Variants in ANAPC10 observed in about 807,000 individuals in gnomAD.
The protein encoded by ANAPC10 is anaphase-promoting complex subunit 10.
A neutral mutation model predicts 22.0 loss-of-function variants in ANAPC10; 12 were observed. That is an observed-to-expected ratio of 0.55 (90% CI 0.35 to 0.88). The LOEUF (loss-of-function observed/expected upper bound fraction) is 0.88. Ranked by LOEUF, ANAPC10 falls within the 40% of genes least tolerant of loss-of-function variation. The pLI is 0.01. For missense variants in ANAPC10, 188 were observed against 220.9 expected, an observed-to-expected ratio of 0.85 and a Z score of 0.94; for synonymous variants, 65 against 69.5, an observed-to-expected ratio of 0.94 and a Z score of 0.32.
At position 145,054,158 on chromosome 4, in the gene ANAPC10, C is replaced by A. The variant is rs550578081; in HGVS notation, c.327+10414G>T. Among the ~76,000 whole-genome samples, 4 of 151,432 alleles carry A rather than the reference C, an allele frequency of 2.6e-5. No individual in the cohort carries two copies. The South Asian group carries it at 8.4e-4, about 32-fold the overall frequency. ...TCTTGACTTTGTGATCTGCCCGCTG[C>A]GGCCTCCCAAAGTGCTGGTATTACA... On this transcript the variant is annotated intron_variant, in intron 4 of 4. Coordinates refer to ENST00000507656, the MANE Select transcript of ANAPC10 (RefSeq NM_001256706.2).
At chr4:145,046,914 C>T (rs1025021933) in intron 4 of ANAPC10, among the ~76,000 whole-genome samples, 1 of 152,068 alleles carries the variant, frequency 6.6e-6, no homozygotes, top group African/African-American at 2.4e-5. Context: ...CACTTTCCAA[C>T]CTTGTACAGT....
intron 3 of ANAPC10, among the ~76,000 whole-genome samples, chr4:145,079,832 G>A (rs917120542): frequency 3.9e-5 from 6 of 152,122 alleles, no homozygotes; most frequent in African/African-American, 7.2e-5. Context: ...CTGAATACAT[G>A]GCTAGGTGTA....
In ANAPC10 at chr4:145,039,785, G is replaced by A. The variant is rs534187975; in HGVS notation, c.327+24787C>T. Among the ~76,000 whole-genome samples the A allele has an allele frequency of 3.2e-4, 49 of 152,092 alleles. No individual in the cohort carries two copies. The East Asian group carries it at 8.5e-3, about 27-fold the overall frequency. ...AATTTTTGTATTTTTCAGTAGAGAC[G>A]TGGTTTCACCATGTTGGCCAGGATG... On this transcript the variant is annotated intron_variant, in intron 4 of 4. Coordinates refer to ENST00000507656, the MANE Select transcript of ANAPC10 (RefSeq NM_001256706.2).
chr4:145,055,781 T>A (rs1741980748), intron 4 of ANAPC10, among the ~76,000 whole-genome samples: 1 of 152,150 alleles, frequency 6.6e-6, no homozygotes, highest in Non-Finnish European at 1.5e-5. Context: ...AGTTGTTATT[T>A]AATGACTATG....
chr4:145,030,114 T>C (rs1167260002), intron 4 of ANAPC10, among the ~76,000 whole-genome samples: 2 of 152,112 alleles, frequency 1.3e-5, no homozygotes, highest in Admixed American at 6.6e-5. Flanking sequence ...AGCTTTGGCA[T>C]TGGCTAATTA....
At chr4:145,092,708 C>T (rs921449868) in intron 2 of ANAPC10, among the ~76,000 whole-genome samples, 11 of 152,100 alleles carry the variant, frequency 7.2e-5, no homozygotes, top group African/African-American at 2.7e-4. Flanking sequence ...GCTACAGATA[C>T]AGAGGAGGGG....
At chr4:145,015,424 C>T (rs1247703349) in intron 4 of ANAPC10, among the ~76,000 whole-genome samples, 2 of 151,844 alleles carry the variant, frequency 1.3e-5, no homozygotes, top group South Asian at 4.2e-4. Context: ...ACAAAGTCTC[C>T]GAGAAGTCCA....
chr4:145,017,156 A>G (rs1378940461), intron 4 of ANAPC10, among the ~76,000 whole-genome samples: 3 of 152,248 alleles, frequency 2.0e-5, no homozygotes, highest in African/African-American at 7.2e-5. Flanking sequence ...CTGCACAGCA[A>G]AAGAAACTAC....
chr4:145,061,907 AGATCAGCC>A (rs1426286293), intron 4 of ANAPC10, among the ~76,000 whole-genome samples: 1 of 151,742 alleles, frequency 6.6e-6, no homozygotes, highest in Non-Finnish European at 1.5e-5. Flanking sequence ...CAGGAGTTTG[AGATCAGCC>A]TGGCCAACAT....
rs373134435 is a variant in ANAPC10 at position 145,011,593 on chromosome 4, T to C, written c.328-15990A>G. Among the ~76,000 whole-genome samples the C allele has an allele frequency of 1.4e-4, 22 of 152,146 alleles. 1 individual carries two copies. In the South Asian group the frequency reaches 4.6e-3, roughly 32 times the overall value. On this transcript the variant is annotated intron_variant, in intron 4 of 4. Coordinates refer to ENST00000507656, the MANE Select transcript of ANAPC10 (RefSeq NM_001256706.2). ...CCATTTTAACAACAGGAGCATTTGT[T>C]GATGCTGGTAAAGGGCGAGAGGCTA...
chr4:145,045,234 T>G (rs1181593252), intron 4 of ANAPC10, among the ~76,000 whole-genome samples: 1 of 152,152 alleles, frequency 6.6e-6, no homozygotes, highest in Non-Finnish European at 1.5e-5. Context: ...GTAATGTGAA[T>G]AAGTACTTTG....
In ANAPC10 at chr4:145,037,100, A is replaced by T. The variant is rs1578992122; in HGVS notation, c.327+27472T>A. Among the ~76,000 whole-genome samples, 4 of 151,154 alleles carry T rather than the reference A, an allele frequency of 2.6e-5. No homozygotes were observed. The Admixed American group carries it at 2.6e-4, about 10-fold the overall frequency. ...TCTGGAGAGCAGGGAAACACTAAGG[A>T]CCCAACAGAAACTCCAGAACACAGT... On this transcript the variant is annotated intron_variant, in intron 4 of 4. Coordinates refer to ENST00000507656, the MANE Select transcript of ANAPC10 (RefSeq NM_001256706.2).
chr4:145,080,560 T>C (rs1419702261), intron 3 of ANAPC10, among the ~76,000 whole-genome samples: 1 of 152,164 alleles, frequency 6.6e-6, no homozygotes, highest in Admixed American at 6.6e-5. Context: ...TGCTGATTTG[T>C]ACTCTAGGAC....
intron 4 of ANAPC10, among the ~76,000 whole-genome samples, chr4:145,022,430 C>T (rs899765582): frequency 6.6e-6 from 1 of 151,862 alleles, no homozygotes; most frequent in Admixed American, 6.6e-5. Flanking sequence ...AACCAAACAT[C>T]GTATATTCTC....
At chr4:145,037,281 T>C (rs1578992736) in intron 4 of ANAPC10, among the ~76,000 whole-genome samples, 1 of 152,028 alleles carries the variant, frequency 6.6e-6, no homozygotes, top group African/African-American at 2.4e-5. Flanking sequence ...TATGAGAAAA[T>C]CTTATGCAAA....
At chr4:145,017,390 C>T (rs1377543328) in intron 4 of ANAPC10, among the ~76,000 whole-genome samples, 1 of 152,176 alleles carries the variant, frequency 6.6e-6, no homozygotes, top group African/African-American at 2.4e-5. Flanking sequence ...CACTGGTCAT[C>T]AGAGAAATGC....
At chr4:145,079,026 T>G (rs1405438996) in intron 3 of ANAPC10, among the ~76,000 whole-genome samples, 3 of 152,040 alleles carry the variant, frequency 2.0e-5, no homozygotes, top group African/African-American at 7.2e-5. Context: ...AAATGTAAAT[T>G]GACAAGTGGG....
chr4:145,070,836 G>A (rs1219881552), intron 3 of ANAPC10, among the ~76,000 whole-genome samples: 1 of 152,212 alleles, frequency 6.6e-6, no homozygotes, highest in Non-Finnish European at 1.5e-5. Context: ...TCTGACACAT[G>A]CTACAACATG....
At chr4:145,092,712 G>A (rs546455780) in intron 2 of ANAPC10, among the ~76,000 whole-genome samples, 1 of 152,200 alleles carries the variant, frequency 6.6e-6, no homozygotes, top group East Asian at 1.9e-4. Context: ...CAGATACAGA[G>A]GAGGGGACTG....
Sources: gnomAD v4.1 joint callset for allele counts (sites outside exome capture counted in the v4.1 genomes callset) on GRCh38, gnomAD v4.1.1 for gene constraint, MANE v1.5 for transcripts, NCBI Gene and HGNC (gene_info 2026-07-23, HGNC 2026-07-21) for gene names.